The following CTBP2 variants were observed in gnomAD, a reference collection of about 807,000 sequenced individuals.
CTBP2 encodes C-terminal binding protein 2, also known as C-terminal-binding protein 2.
Under a neutral mutation model 80.3 loss-of-function variants are expected in CTBP2, and 30 were observed. The observed-to-expected ratio is 0.37, with a 90% confidence interval of 0.28 to 0.51. CTBP2 has a LOEUF of 0.51. Among genes scored for constraint, CTBP2 ranks in the 20% least tolerant of loss-of-function variants. CTBP2 has a pLI of 0.93. For missense variants in CTBP2, 1,212 were observed against 1,375.3 expected (o/e 0.88, Z 1.88); for synonymous variants, 594 against 587.4 (o/e 1.01, Z -0.16).
chr10:125,128,424 GGAAGGAAT>G (rs944578335), intron 1 of CTBP2, among the ~76,000 whole-genome samples: 1 of 152,164 alleles, frequency 6.6e-6, no homozygotes, highest in Admixed American at 6.5e-5. Flanking sequence ...GGAGGCGGGG[GGAAGGAAT>G]GAAGGAACAA....
rs191170644 is a variant in CTBP2 at position 125,069,024 on chromosome 10, C to T, written c.-101-29869G>A. 1.7e-3 allele frequency among the ~76,000 whole-genome samples: 259 copies of T among 152,202 alleles called. 2 individuals are homozygous for T. The highest frequency in any genetic ancestry group is 5.9e-3 in the African/African-American group (243 of 41,530). ...GATCAGCTACAGGAACAGAAGGGAA[C>T]GATGCACTCACAGGGCTGGGGTAGA... On this transcript the variant is annotated intron_variant, in intron 2 of 10. Transcript: ENST00000337195.
intron 1 of CTBP2, among the ~76,000 whole-genome samples, chr10:125,011,401 A>T (rs1162837413): frequency 1.3e-5 from 2 of 152,244 alleles, no homozygotes; most frequent in African/African-American, 4.8e-5. Context: ...AGAGCTGGCG[A>T]GGCAGGAGGC....
upstream of CTBP2, among the ~76,000 whole-genome samples, chr10:125,029,122 A>G (rs1957932230): frequency 6.6e-6 from 1 of 152,216 alleles, no homozygotes; most frequent in African/African-American, 2.4e-5. Flanking sequence ...ATGAGACAAC[A>G]TGCATACCTG....
At position 125,110,712 on chromosome 10, in the gene CTBP2, A is replaced by C. The variant is rs180946115; in HGVS notation, c.-102+278T>G. On this transcript the variant is annotated intron_variant, in intron 2 of 10. Transcript: ENST00000337195. The stretch of plus-strand genomic sequence containing the variant: ...CTGACTTGAGTTTCCTTGTAGCATA[A>C]TTTCCGTTGACTTATCTCTATAGCA... 3.7e-4 allele frequency among the ~76,000 whole-genome samples: 57 copies of C among 152,320 alleles called. No homozygotes were observed. The South Asian group carries it at 0.012, about 31-fold the overall frequency.
upstream of CTBP2, among the ~76,000 whole-genome samples, chr10:125,030,952 G>A (rs994039975): frequency 1.3e-5 from 2 of 152,206 alleles, no homozygotes; most frequent in East Asian, 3.9e-4. Context: ...TAACATCTCA[G>A]GAGGCTCTTC....
chr10:125,094,765 C>T (rs1363497896), intron 2 of CTBP2, among the ~76,000 whole-genome samples: 2 of 152,082 alleles, frequency 1.3e-5, no homozygotes, highest in Non-Finnish European at 2.9e-5. Context: ...GTCAACAGTG[C>T]CAAAGTAGAA....
chr10:125,134,149 G>C (rs1434521166), intron 1 of CTBP2, among the ~76,000 whole-genome samples: 1 of 152,158 alleles, frequency 6.6e-6, no homozygotes, highest in African/African-American at 2.4e-5. Flanking sequence ...TGCAAATATT[G>C]AGCAGCCCCA....
At chr10:125,076,460 G>A (rs1326842122) in intron 2 of CTBP2, among the ~76,000 whole-genome samples, 1 of 152,142 alleles carries the variant, frequency 6.6e-6, no homozygotes, top group Non-Finnish European at 1.5e-5. Flanking sequence ...GTTCAGTTCT[G>A]TCCAGGAACA....
intron 3 of CTBP2, chr10:125,001,169 G>T (rs899606509): frequency 6.6e-6 from 1 of 152,350 alleles, no homozygotes; most frequent in South Asian, 2.1e-4. Flanking sequence ...TAGAAATGGA[G>T]AAATAGGAAG....
At chr10:125,140,561 G>A (rs186486840) in intron 1 of CTBP2, among the ~76,000 whole-genome samples, 31 of 152,272 alleles carry the variant, frequency 2.0e-4, no homozygotes, top group African/African-American at 6.0e-4. Flanking sequence ...AGTGGCTCAC[G>A]CCTGTAATCT....
At chr10:125,052,142 C>T (rs1962931219) in intron 2 of CTBP2, among the ~76,000 whole-genome samples, 2 of 152,220 alleles carry the variant, frequency 1.3e-5, no homozygotes, top group African/African-American at 4.8e-5. Flanking sequence ...GCTGCTGAGA[C>T]CTGCAAGCTC....
chr10:125,125,998 C>T (rs757728500), intron 1 of CTBP2, among the ~76,000 whole-genome samples: 20 of 152,224 alleles, frequency 1.3e-4, no homozygotes, highest in African/African-American at 1.7e-4. Context: ...ACATGCCTAA[C>T]CCAGTCTCAA....
chr10:125,001,606 C>T (rs147078659), intron 3 of CTBP2: 1 of 152,336 alleles, frequency 6.6e-6, no homozygotes, highest in African/African-American at 2.4e-5. Flanking sequence ...CTGCTGCTTC[C>T]AGGACCCTAA....
intron 1 of CTBP2, among the ~76,000 whole-genome samples, chr10:125,131,032 A>G (rs1006625141): frequency 3.3e-5 from 5 of 152,300 alleles, no homozygotes; most frequent in Non-Finnish European, 7.4e-5. Flanking sequence ...GGAGGCAGAC[A>G]GGCGGGGAGG....
At chr10:125,023,446 G>A (rs1957245283) in intron 1 of CTBP2, among the ~76,000 whole-genome samples, 1 of 152,188 alleles carries the variant, frequency 6.6e-6, no homozygotes, top group African/African-American at 2.4e-5. Flanking sequence ...GGCAGGGCTC[G>A]GGTGACAGCA....
At chr10:124,997,033 CG>C (rs1167658096) in intron 4 of CTBP2, 1 of 152,448 alleles carries the variant, frequency 6.6e-6, no homozygotes. Context: ...AGGTCCAGAG[CG>C]GGGCTTGTGG....
chr10:125,040,077 C>T (rs1343132200), intron 2 of CTBP2, among the ~76,000 whole-genome samples: 1 of 152,132 alleles, frequency 6.6e-6, no homozygotes, highest in Non-Finnish European at 1.5e-5. Context: ...CCGGTGAGGT[C>T]CAGATCATTA....
intron 2 of CTBP2, among the ~76,000 whole-genome samples, chr10:125,089,846 T>C (rs146120942): frequency 1.3e-3 from 195 of 152,324 alleles, no homozygotes; most frequent in Middle Eastern, 3.4e-3. Context: ...TGGGACCATG[T>C]CACAGGAGGG....
rs7082063 is a variant in CTBP2 at position 125,128,177 on chromosome 10, A to C, written c.-205-17084T>G. The stretch of plus-strand genomic sequence containing the variant: ...AGAATACCTACTTAGCCAAGTGTCC[A>C]TCCTCACACGGAAGCAAACTAGGAC... On this transcript the variant is annotated intron_variant, in intron 1 of 10. Coordinates refer to the CTBP2 transcript ENST00000337195. 4.1e-3 allele frequency among the ~76,000 whole-genome samples: 618 copies of C among 152,304 alleles called. 4 individuals carry two copies. The highest frequency in any genetic ancestry group is 0.014 in the African/African-American group (591 of 41,574).
Sources: allele counts gnomAD v4.1 joint callset (sites outside exome capture counted in the v4.1 genomes callset), GRCh38; gene constraint gnomAD v4.1.1; transcripts MANE v1.5; gene names NCBI Gene and HGNC (gene_info 2026-07-23, HGNC 2026-07-21).